GABRG3: variants seen among roughly 807,000 people sequenced by gnomAD.
GABRG3 encodes the protein gamma-aminobutyric acid receptor subunit gamma-3.
GABRG3 carries 25 observed loss-of-function variants against 48.8 expected under a neutral mutation model. The observed-to-expected ratio is 0.51, with a 90% CI of 0.37 to 0.72. The LOEUF is 0.72. Among genes scored for constraint, GABRG3 ranks in the 30% least tolerant of loss-of-function variants. The pLI, the probability that GABRG3 is intolerant of heterozygous loss-of-function variation, is 0.00. For synonymous variants in GABRG3, 227 were observed against 217.6 expected, an observed-to-expected ratio of 1.04 and a Z score of -0.38; for missense variants, 394 against 577.9, an observed-to-expected ratio of 0.68 and a Z score of 3.26.
intron 3 of GABRG3, among the ~76,000 whole-genome samples, chr15:27,286,392 G>C (rs1461329452): frequency 6.6e-6 from 1 of 152,150 alleles, no homozygotes; most frequent in African/African-American, 2.4e-5. Flanking sequence ...TTTCCACTTG[G>C]AAAGCTTCAA....
At chr15:27,208,361 A>G (rs978156475) in intron 3 of GABRG3, 1 of 229,794 alleles carries the variant, frequency 4.4e-6, no homozygotes, top group African/African-American at 2.3e-5. Flanking sequence ...GAACTCCTGC[A>G]CTTCATTGGC....
chr15:27,410,651 T>A (rs1163810904), intron 5 of GABRG3, among the ~76,000 whole-genome samples: 2 of 152,180 alleles, frequency 1.3e-5, no homozygotes, highest in African/African-American at 4.8e-5. Flanking sequence ...ATTTAACCTT[T>A]AGTATTTCCC....
At chr15:27,122,695 T>G (rs1897752446) in intron 3 of GABRG3, among the ~76,000 whole-genome samples, 1 of 152,240 alleles carries the variant, frequency 6.6e-6, no homozygotes, top group Non-Finnish European at 1.5e-5. Context: ...GCTGGCTCCA[T>G]GGCCACCAGT....
At chr15:27,526,877 T>C (rs1891289698) in intron 7 of GABRG3, among the ~76,000 whole-genome samples, 1 of 152,116 alleles carries the variant, frequency 6.6e-6, no homozygotes, top group Non-Finnish European at 1.5e-5. Flanking sequence ...ACACAATCTA[T>C]CTAGGAGACA....
At chr15:27,198,486 T>C (rs1238205008) in intron 3 of GABRG3, among the ~76,000 whole-genome samples, 2 of 152,164 alleles carry the variant, frequency 1.3e-5, no homozygotes, top group African/African-American at 4.8e-5. Flanking sequence ...CATTAAAATG[T>C]CAGGAAATAA....
chr15:27,206,129 C>T (rs976537990), intron 3 of GABRG3, among the ~76,000 whole-genome samples: 8 of 151,870 alleles, frequency 5.3e-5, no homozygotes, highest in Admixed American at 2.0e-4. Flanking sequence ...TTTCTAGTTC[C>T]TCTAGGTGTG....
chr15:27,528,339 T>C (rs1891332412), intron 9 of GABRG3, among the ~76,000 whole-genome samples: 3 of 152,218 alleles, frequency 2.0e-5, no homozygotes, highest in Admixed American at 6.5e-5. Flanking sequence ...AAATATGTAC[T>C]TATATGTACT....
intron 3 of GABRG3, among the ~76,000 whole-genome samples, chr15:27,037,587 C>T (rs574539610): frequency 6.6e-6 from 1 of 152,164 alleles, no homozygotes; most frequent in South Asian, 2.1e-4. Context: ...CAGGCATATC[C>T]CCTGAGTCTG....
intron 3 of GABRG3, among the ~76,000 whole-genome samples, chr15:27,295,426 A>C (rs78482642): frequency 0.019 from 2,873 of 152,186 alleles, 108 homozygotes; most frequent in African/African-American, 0.066. Flanking sequence ...TGCTTCTGAT[A>C]ATGGCGAACG....
chr15:27,262,313 A>G (rs1890792530), intron 3 of GABRG3, among the ~76,000 whole-genome samples: 1 of 152,162 alleles, frequency 6.6e-6, no homozygotes, highest in Non-Finnish European at 1.5e-5. Flanking sequence ...GGTGTCTTTA[A>G]ACAAGATCCC....
At chr15:27,515,025 TA>T (rs1385135788) in intron 6 of GABRG3, among the ~76,000 whole-genome samples, 2 of 152,248 alleles carry the variant, frequency 1.3e-5, no homozygotes, top group East Asian at 3.9e-4. Context: ...AATGGTAAAA[TA>T]AAAGGTTGAT....
chr15:27,013,048 T>A (rs915430631), intron 2 of GABRG3, among the ~76,000 whole-genome samples: 1 of 152,140 alleles, frequency 6.6e-6, no homozygotes, highest in Non-Finnish European at 1.5e-5. Context: ...TTGAAATAAT[T>A]CAGTGAAAAA....
intron 2 of GABRG3, among the ~76,000 whole-genome samples, chr15:26,981,660 T>G (rs1175779349): frequency 6.6e-6 from 1 of 152,198 alleles, no homozygotes; most frequent in East Asian, 1.9e-4. Context: ...ATACAATTGC[T>G]GGTACAGGCA....
At chr15:27,299,873 A>G (rs1330565474) in intron 3 of GABRG3, among the ~76,000 whole-genome samples, 1 of 152,192 alleles carries the variant, frequency 6.6e-6, no homozygotes, top group African/African-American at 2.4e-5. Context: ...AGAGAATAAA[A>G]AAGTACTAGG....
rs569369787 is a variant in GABRG3 at position 27,503,656 on chromosome 15, G to A, written c.713-16316G>A. The stretch of plus-strand genomic sequence containing the variant: ...AGAATGTGTACTCTGCTGACATTGG[G>A]TAGAGTGTTCTATAAATGCAAATTA... On this transcript the variant is annotated intron_variant, in intron 6 of 9. Coordinates refer to ENST00000615808, the MANE Select transcript of GABRG3 (RefSeq NM_033223.5). Among the ~76,000 whole-genome samples, 29 of 152,290 alleles carry A rather than the reference G, an allele frequency of 1.9e-4. No individual in the cohort carries two copies. In the South Asian group the frequency reaches 5.8e-3, roughly 30 times the overall value.
At chr15:27,369,544 G>A (rs774801947) in intron 5 of GABRG3, among the ~76,000 whole-genome samples, 82 of 152,144 alleles carry the variant, frequency 5.4e-4, no homozygotes, top group Non-Finnish European at 7.3e-4. Context: ...TTGGCCGGGC[G>A]CGGTGGCTCA....
intron 5 of GABRG3, among the ~76,000 whole-genome samples, chr15:27,434,236 T>C (rs558921533): frequency 1.4e-4 from 22 of 152,358 alleles, no homozygotes; most frequent in Middle Eastern, 3.4e-3. Context: ...TCATTTAGTG[T>C]GTTTTAAGTT....
chr15:27,174,056 C>T (rs1300786962), intron 3 of GABRG3, among the ~76,000 whole-genome samples: 2 of 151,970 alleles, frequency 1.3e-5, no homozygotes, highest in South Asian at 2.1e-4. Context: ...TCATTTTGCT[C>T]CTACATACTT....
rs1467376039 is a variant in GABRG3, at chr15:27,430,560, G to T, written c.575-50090G>T. ...GGCATCTAGGCATATGATCCATTTT[G>T]AATTAATTTTTGTATATGATGAGAG... is the stretch of plus-strand genomic sequence containing the variant. On this transcript the variant is annotated intron_variant, in intron 5 of 9. Transcript: ENST00000615808. Among the ~76,000 whole-genome samples, 3 of 152,016 alleles carry T rather than the reference G, an allele frequency of 2.0e-5. No homozygotes were observed. In the East Asian group the frequency reaches 5.8e-4, roughly 29 times the overall value.
Sources: gnomAD v4.1 joint callset for allele counts (sites outside exome capture counted in the v4.1 genomes callset) on GRCh38, gnomAD v4.1.1 for gene constraint, MANE v1.5 for transcripts, NCBI Gene and HGNC (gene_info 2026-07-23, HGNC 2026-07-21) for gene names.